Variants in PRKCH observed in about 807,000 individuals in gnomAD.
PRKCH encodes the protein protein kinase C eta type.
Under a neutral mutation model 82.5 loss-of-function variants are expected in PRKCH, and 28 were observed. That is an observed-to-expected ratio of 0.34 (90% CI 0.25 to 0.47). The LOEUF (loss-of-function observed/expected upper bound fraction) is 0.47, where lower values mean the gene tolerates loss of function less well. Ranked by LOEUF, PRKCH falls within the 20% of genes least tolerant of loss-of-function variation. The pLI, the probability that PRKCH is intolerant of heterozygous loss-of-function variation, is 1.00. For synonymous variants in PRKCH, 322 were observed against 327.4 expected, an observed-to-expected ratio of 0.98 and a Z score of 0.18; for missense variants, 705 against 881.8, an observed-to-expected ratio of 0.80 and a Z score of 2.54.
In PRKCH at chr14:61,280,580, G is replaced by T. The variant is rs868476090; in HGVS notation, c.-19+92912G>T. Reference sequence around the variant, plus strand: ...CAGGCGATGCCGGAGCGGTCGAGCGGCACCTCGACGTAGGGCCCGCCGGGC... The same window carrying T: ...CAGGCGATGCCGGAGCGGTCGAGCGTCACCTCGACGTAGGGCCCGCCGGGC... On this transcript the variant is annotated intron_variant, in intron 1 of 3. Transcript: ENST00000555185. This position sits in a 1 kb window ranked among gnomAD's most constrained non-coding sequence, Gnocchi z 5.0. 1 of 1,600,474 alleles carries T rather than the reference G, an allele frequency of 6.2e-7. No individual in the cohort carries two copies. The highest frequency in any genetic ancestry group is 2.3e-5 in the East Asian group (1 of 44,146).
chr14:61,445,735 A>G lies in PRKCH; in HGVS notation c.613+9A>G. The G allele has an allele frequency of 6.2e-7, 1 of 1,602,904 alleles. No individual in the cohort carries two copies. Among genetic ancestry groups the G allele is most frequent in the East Asian group, 2.2e-5 (1 of 44,808 alleles). On this transcript the variant is annotated intron_variant, in intron 4 of 13. Coordinates refer to ENST00000332981, the MANE Select transcript of PRKCH (RefSeq NM_006255.5). ...GGGTTATCAGTGCCAAGGTAAGGAA[A>G]CATTTTTAAAACCATGTTTCATTTT...
chr14:61,523,147 G>A (rs1234287025), intron 10 of PRKCH, among the ~76,000 whole-genome samples: 2 of 152,300 alleles, frequency 1.3e-5, no homozygotes, highest in South Asian at 2.1e-4. Flanking sequence ...TCAGTGGAAG[G>A]CAGCAAATGA....
chr14:61,342,499 G>A (rs1052384503), intron 1 of PRKCH, among the ~76,000 whole-genome samples: 1 of 152,002 alleles, frequency 6.6e-6, no homozygotes, highest in Non-Finnish European at 1.5e-5. Flanking sequence ...GACTTGGTTC[G>A]GACACTGAAT....
intron 2 of PRKCH, among the ~76,000 whole-genome samples, chr14:61,413,597 G>A (rs185383232): frequency 3.0e-4 from 46 of 152,158 alleles, no homozygotes; most frequent in African/African-American, 1.1e-3. Flanking sequence ...CTAAAGACCT[G>A]TGCTTCCTCA....
chr14:61,402,012 G>A (rs1410342108), intron 2 of PRKCH, among the ~76,000 whole-genome samples: 2 of 152,236 alleles, frequency 1.3e-5, no homozygotes, highest in Non-Finnish European at 2.9e-5. Flanking sequence ...TAAAATTAGA[G>A]CCTTCAAAAC....
intron 10 of PRKCH, among the ~76,000 whole-genome samples, chr14:61,519,493 A>C (rs1006075931): frequency 6.6e-6 from 1 of 152,078 alleles, no homozygotes. Context: ...GGGAGGAGGT[A>C]TGAGGGGGTA....
intron 1 of PRKCH, among the ~76,000 whole-genome samples, chr14:61,274,012 A>G (rs752694433): frequency 9.2e-5 from 14 of 152,264 alleles, no homozygotes; most frequent in Non-Finnish European, 1.6e-4. Flanking sequence ...GAATATGGAG[A>G]TAGATAAATG....
intron 9 of PRKCH, among the ~76,000 whole-genome samples, chr14:61,460,269 A>T (rs374832706): frequency 5.3e-5 from 8 of 152,198 alleles, no homozygotes; most frequent in African/African-American, 1.9e-4. Context: ...TGACATAATT[A>T]ATTTAACTTT....
chr14:61,315,370 T>A (rs1489327884), intron 1 of PRKCH, among the ~76,000 whole-genome samples: 1 of 152,210 alleles, frequency 6.6e-6, no homozygotes, highest in Non-Finnish European at 1.5e-5. Flanking sequence ...ATTAGCTATG[T>A]GATCCAATTC....
chr14:61,192,018 T>TTGTGTGTG lies in PRKCH; in HGVS notation c.-19+4371_-19+4378dup, dbSNP rs67540297. The stretch of plus-strand genomic sequence containing the variant: ...AGAATAAGAAATGTTTCCTAAAACA[T>TTGTGTGTG]TGTGTGTGTGTGTGTGTGTGTGTGT... On this transcript the variant is annotated intron_variant, in intron 1 of 3. Coordinates refer to the PRKCH transcript ENST00000555185. Among the ~76,000 whole-genome samples, 475 of 148,716 alleles carry TTGTGTGTG rather than the reference T, an allele frequency of 3.2e-3. 1 individual carries two copies. Among genetic ancestry groups the TTGTGTGTG allele is most frequent in the African/African-American group, 0.01 (423 of 40,374 alleles).
intron 1 of PRKCH, among the ~76,000 whole-genome samples, chr14:61,221,547 G>A (rs1382836704): frequency 6.6e-6 from 1 of 151,824 alleles, no homozygotes; most frequent in Admixed American, 6.6e-5. Context: ...GACAGCGATG[G>A]GGGCATATTA....
At chr14:61,508,517 A>G (rs937184499) in intron 10 of PRKCH, among the ~76,000 whole-genome samples, 1 of 152,158 alleles carries the variant, frequency 6.6e-6, no homozygotes, top group African/African-American at 2.4e-5. Flanking sequence ...ATAGTTGGGT[A>G]AAAGGATCAG....
At chr14:61,532,498 A>G (rs2043053815) in intron 12 of PRKCH, among the ~76,000 whole-genome samples, 1 of 152,106 alleles carries the variant, frequency 6.6e-6, no homozygotes. Context: ...TTGTCTTTAC[A>G]TTTTTAGAAG....
intron 1 of PRKCH, among the ~76,000 whole-genome samples, chr14:61,387,489 T>A (rs1388165949): frequency 2.0e-5 from 3 of 152,166 alleles, no homozygotes; most frequent in Non-Finnish European, 4.4e-5. Context: ...CTAAGGTAAA[T>A]GAGTGGAAAT....
At chr14:61,319,403 G>A (rs1229189802), upstream of PRKCH, among the ~76,000 whole-genome samples, 1 of 152,086 alleles carries the variant, frequency 6.6e-6, no homozygotes, top group African/African-American at 2.4e-5. Flanking sequence ...GGGACTGTAA[G>A]CCCCAGGAGG....
intron 1 of PRKCH, among the ~76,000 whole-genome samples, chr14:61,251,991 C>A (rs2044950823): frequency 6.6e-6 from 1 of 152,064 alleles, no homozygotes; most frequent in African/African-American, 2.4e-5. Context: ...AGGTGCACGC[C>A]ACCACGCCCA....
At chr14:61,535,655 C>A (rs2043098597) in intron 12 of PRKCH, among the ~76,000 whole-genome samples, 1 of 152,240 alleles carries the variant, frequency 6.6e-6, no homozygotes, top group African/African-American at 2.4e-5. Context: ...TACACTTTAT[C>A]TGAAGTGCCA....
chr14:61,262,507 A>G (rs1044844235), intron 1 of PRKCH, among the ~76,000 whole-genome samples: 6 of 152,224 alleles, frequency 3.9e-5, no homozygotes, highest in Non-Finnish European at 8.8e-5. Context: ...GAGAGATGTC[A>G]GAAGTCAGAA....
intron 1 of PRKCH, among the ~76,000 whole-genome samples, chr14:61,363,053 A>T (rs928846342): frequency 3.9e-5 from 6 of 152,242 alleles, no homozygotes; most frequent in African/African-American, 1.2e-4. Flanking sequence ...GGAGGAAGGC[A>T]TTGTAGGCTA....
Sources: gnomAD v4.1 joint callset for allele counts (sites outside exome capture counted in the v4.1 genomes callset) on GRCh38, gnomAD v4.1.1 for gene constraint, Gnocchi (gnomAD v3.1) non-coding constraint, MANE v1.5 for transcripts, NCBI Gene and HGNC (gene_info 2026-07-23, HGNC 2026-07-21) for gene names.